The following C1GALT1 variants were observed in gnomAD, a reference collection of about 807,000 sequenced individuals.
C1GALT1 encodes the protein glycoprotein-N-acetylgalactosamine 3-beta-galactosyltransferase 1.
A neutral mutation model predicts 31.0 loss-of-function variants in C1GALT1; 11 were observed. That is an observed-to-expected ratio of 0.36 (90% confidence interval 0.22 to 0.59). C1GALT1 has a LOEUF of 0.59. C1GALT1 is among the 20% of genes least tolerant of loss of function. The pLI, the probability that C1GALT1 is intolerant of heterozygous loss-of-function variation, is 0.79. For missense variants in C1GALT1, 424 were observed against 425.2 expected, an observed-to-expected ratio of 1.00 and a Z score of 0.03; for synonymous variants, 175 against 143.6, an observed-to-expected ratio of 1.22 and a Z score of -1.56.
intron 2 of C1GALT1, among the ~76,000 whole-genome samples, chr7:7,176,341 C>A (rs1417644947): frequency 2.0e-5 from 3 of 152,146 alleles, no homozygotes; most frequent in South Asian, 2.1e-4. Context: ...TCAATTAGTT[C>A]TTTTCAATAA....
chr7:7,192,872 T>C (rs1781134479), intron 1 of C1GALT1, among the ~76,000 whole-genome samples: 3 of 152,194 alleles, frequency 2.0e-5, no homozygotes, highest in African/African-American at 7.2e-5. Flanking sequence ...TGGTATTGCA[T>C]TGTGGTTTTG....
intron 1 of C1GALT1, among the ~76,000 whole-genome samples, chr7:7,229,784 AC>A (rs1782980934): frequency 6.6e-6 from 1 of 151,982 alleles, no homozygotes; most frequent in Admixed American, 6.6e-5. Context: ...AGAATTTGAG[AC>A]CCCCTCATCA....
chr7:7,241,827 C>T (rs937719893), intron 3 of C1GALT1, among the ~76,000 whole-genome samples: 1 of 151,838 alleles, frequency 6.6e-6, no homozygotes, highest in African/African-American at 2.4e-5. Flanking sequence ...ATAATTATAG[C>T]TTTTTACTTT....
At chr7:7,214,438 C>T (rs1213558817) in intron 1 of C1GALT1, among the ~76,000 whole-genome samples, 1 of 152,146 alleles carries the variant, frequency 6.6e-6, no homozygotes, top group Non-Finnish European at 1.5e-5. Context: ...AAGAGAAAAA[C>T]ATAAAAGCCT....
intron 1 of C1GALT1, among the ~76,000 whole-genome samples, chr7:7,198,336 T>C (rs1562567590): frequency 6.6e-6 from 1 of 152,198 alleles, no homozygotes; most frequent in Non-Finnish European, 1.5e-5. Flanking sequence ...GGATTACGTT[T>C]ATTGATTTGC....
chr7:7,202,001 C>T (rs1470150417), intron 1 of C1GALT1, among the ~76,000 whole-genome samples: 6 of 152,218 alleles, frequency 3.9e-5, no homozygotes, highest in Non-Finnish European at 7.3e-5. Context: ...TCCCTGGTGA[C>T]AGAGAGTGCC....
At chr7:7,230,980 T>C (rs974513132) in intron 1 of C1GALT1, among the ~76,000 whole-genome samples, 2 of 152,184 alleles carry the variant, frequency 1.3e-5, no homozygotes, top group African/African-American at 4.8e-5. Flanking sequence ...GACTCTCCCT[T>C]CCTTCCTACA....
chr7:7,221,964 G>A (rs769569275), intron 1 of C1GALT1, among the ~76,000 whole-genome samples: 5 of 152,142 alleles, frequency 3.3e-5, no homozygotes, highest in South Asian at 4.1e-4. Flanking sequence ...TGTGACCTAC[G>A]TTAACACCAG....
intron 2 of C1GALT1, among the ~76,000 whole-genome samples, chr7:7,157,805 G>A (rs1780289679): frequency 6.6e-6 from 1 of 152,108 alleles, no homozygotes; most frequent in African/African-American, 2.4e-5. Flanking sequence ...GTAAGGGTAT[G>A]TACATGTACA....
chr7:7,181,249 A>C (rs1457291880), upstream of C1GALT1, among the ~76,000 whole-genome samples: 1 of 152,102 alleles, frequency 6.6e-6, no homozygotes, highest in African/African-American at 2.4e-5. Context: ...GGAAAGGTGG[A>C]AGGATATTGC....
intron 2 of C1GALT1, among the ~76,000 whole-genome samples, chr7:7,159,648 G>T (rs575287699): frequency 1.3e-5 from 2 of 151,986 alleles, no homozygotes; most frequent in East Asian, 3.9e-4. Flanking sequence ...TCTAATTTTC[G>T]CTTAATTTGA....
At chr7:7,168,933 G>A (rs1239980372) in intron 2 of C1GALT1, among the ~76,000 whole-genome samples, 4 of 152,108 alleles carry the variant, frequency 2.6e-5, no homozygotes, top group Admixed American at 2.0e-4. Flanking sequence ...GGCATTAATT[G>A]CATACATGCT....
intron 1 of C1GALT1, among the ~76,000 whole-genome samples, chr7:7,185,424 C>T (rs1780770373): frequency 6.6e-6 from 1 of 152,118 alleles, no homozygotes; most frequent in Admixed American, 6.5e-5. Flanking sequence ...TGATTTAAAA[C>T]AACAGATTTA....
chr7:7,187,417 T>C (rs1000070691), intron 1 of C1GALT1, among the ~76,000 whole-genome samples: 7 of 145,436 alleles, frequency 4.8e-5, no homozygotes, highest in African/African-American at 1.8e-4. Flanking sequence ...GCCCAGCTAA[T>C]TTCTTTTTTT....
intron 2 of C1GALT1, among the ~76,000 whole-genome samples, chr7:7,236,596 A>G (rs377358330): frequency 2.3e-4 from 35 of 151,726 alleles, no homozygotes; most frequent in African/African-American, 8.0e-4. Context: ...ATCTCGGCTC[A>G]CTGCAACCTC....
At chr7:7,230,927 G>C (rs1783046171) in intron 1 of C1GALT1, among the ~76,000 whole-genome samples, 2 of 151,878 alleles carry the variant, frequency 1.3e-5, no homozygotes, top group Non-Finnish European at 2.9e-5. Flanking sequence ...TTTTATTATA[G>C]CCAATATTTA....
chr7:7,241,455 ATTAACTCTTCTTTTTTTCT>A (rs1373446240), intron 3 of C1GALT1, among the ~76,000 whole-genome samples: 3 of 151,986 alleles, frequency 2.0e-5, no homozygotes, highest in Non-Finnish European at 4.4e-5. Context: ...CTAAGGGCAA[ATTAACTCTTCTTTTTTTCT>A]AAGTGTTTTG....
At chr7:7,218,853 A>G (rs1318732222) in intron 1 of C1GALT1, among the ~76,000 whole-genome samples, 1 of 139,294 alleles carries the variant, frequency 7.2e-6, no homozygotes, top group African/African-American at 2.9e-5. Context: ...TTTTTTTTTG[A>G]GATGGAGTCT....
At chr7:7,178,244 A>G, upstream of C1GALT1, 1 of 230,518 alleles carries the variant, frequency 4.3e-6, no homozygotes, top group Middle Eastern at 9.7e-4. Flanking sequence ...ATGTAGACAG[A>G]CCTGTTGGCG....
Sources: allele counts gnomAD v4.1 joint callset (sites outside exome capture counted in the v4.1 genomes callset), GRCh38; gene constraint gnomAD v4.1.1; transcripts MANE v1.5; gene names NCBI Gene and HGNC (gene_info 2026-07-23, HGNC 2026-07-21).